The following UTP14A variants were observed in gnomAD, a reference collection of about 807,000 sequenced individuals.
The protein encoded by UTP14A is U3 small nucleolar RNA-associated protein 14 homolog A.
A neutral mutation model predicts 57.2 loss-of-function variants in UTP14A; 5 were observed. The observed-to-expected ratio is 0.09, with a 90% confidence interval of 0.05 to 0.18. The LOEUF is 0.18. Ranked by LOEUF, UTP14A falls within the 10% of genes least tolerant of loss-of-function variation. The pLI is 1.00. For synonymous variants in UTP14A, 169 were observed against 210.9 expected, an observed-to-expected ratio of 0.80 and a Z score of 1.72; for missense variants, 430 against 562.1, an observed-to-expected ratio of 0.76 and a Z score of 2.38.
At chrX:129,913,470 C>T in intron 6 of UTP14A, 5 of 328,442 alleles carry the variant, frequency 1.5e-5, no homozygotes, top group South Asian at 1.1e-4. Context: ...CCACCCGTGC[C>T]CCATCTGATC....
chrX:129,924,381 G>A (rs1275754343), intron 11 of UTP14A, among the ~76,000 whole-genome samples: 1 of 104,657 alleles, frequency 9.6e-6, no homozygotes, highest in Non-Finnish European at 1.9e-5. Flanking sequence ...CTGCCTCCCT[G>A]GTTCAAGTGA....
rs201033786 is a variant in UTP14A at position 129,919,269 on chromosome X, C to G, written c.632C>G (p.Ser211Cys). The G allele has an allele frequency of 8.3e-7, 1 of 1,209,992 alleles. No individual in the cohort carries two copies. Among genetic ancestry groups the G allele is most frequent in the African/African-American group, 1.7e-5 (1 of 57,204 alleles). The part of the protein sequence containing the change: ...DPLLTPVEKA[S>C]LRAMSLEEAK... ...TTACTGACCCCTGTGGAAAAGGCCTCTCTCCGAGCCATGAGCCTAGAAGAG... is the reference window on the plus strand; with the variant it reads ...TTACTGACCCCTGTGGAAAAGGCCTGTCTCCGAGCCATGAGCCTAGAAGAG... The change falls in exon 7 of 15, where the codon TCT (serine) becomes TGT (cysteine). Residue 211 changes from serine (S) to cysteine (C), a missense_variant. By Grantham distance (112) the Ser-to-Cys change is moderately radical. Transcript: ENST00000394422.
intron 11 of UTP14A, among the ~76,000 whole-genome samples, chrX:129,923,962 A>G (rs868549815): frequency 9.3e-6 from 1 of 107,622 alleles, no homozygotes; most frequent in Non-Finnish European, 1.9e-5. Flanking sequence ...CCAATATGCT[A>G]CTTTTTTTTT....
intron 6 of UTP14A, among the ~76,000 whole-genome samples, chrX:129,916,928 C>T (rs1164689669): frequency 9.0e-6 from 1 of 111,491 alleles, no homozygotes; most frequent in Non-Finnish European, 1.9e-5. Context: ...CTAAGCCTAA[C>T]CTACCTCCCA....
rs1929250464 is a variant in UTP14A, at chrX:129,906,169, G to A, written c.-42G>A. On this transcript the variant is annotated 5_prime_UTR_variant, in exon 1 of 15. Transcript: ENST00000394422. ...GCCCGCACGGAAATTGCTTTCCTTC[G>A]GCTTCCGTTCTTGGTCCATGTGAGA... 1 of 1,206,976 alleles carries A rather than the reference G, an allele frequency of 8.3e-7. No individual in the cohort carries two copies. The highest frequency in any genetic ancestry group is 1.1e-6 in the Non-Finnish European group (1 of 892,523).
intron 11 of UTP14A, among the ~76,000 whole-genome samples, chrX:129,923,370 G>A (rs1264227175): frequency 8.9e-6 from 1 of 112,392 alleles, no homozygotes; most frequent in African/African-American, 3.2e-5. Context: ...CCACCTCCCA[G>A]GTTCAAGCAA....
rs761483541 is a variant in UTP14A at position 129,929,658 on chromosome X, C to T, written c.*50C>T. The T allele has an allele frequency of 5.1e-6, 6 of 1,176,530 alleles. No homozygotes were observed. Among genetic ancestry groups the T allele is most frequent in the Non-Finnish European group, 5.7e-6 (5 of 872,009 alleles). ...AGCCCTGACTTCACTTCCTTTGGTCCAGTTTTACTCTGATACAGGGTGGAT... is the reference window on the plus strand; with the variant it reads ...AGCCCTGACTTCACTTCCTTTGGTCTAGTTTTACTCTGATACAGGGTGGAT... On this transcript the variant is annotated 3_prime_UTR_variant, in exon 15 of 15. Coordinates refer to ENST00000394422, the MANE Select transcript of UTP14A (RefSeq NM_006649.4).
rs770567663 is a variant in UTP14A, at chrX:129,911,207, A to G, written c.381+57A>G. The G allele has an allele frequency of 8.8e-6, 10 of 1,135,124 alleles. No homozygotes were observed. In the East Asian group the frequency reaches 2.1e-4, roughly 24 times the overall value. 93.5% of individuals were successfully genotyped at this position (1,135,124 alleles called of 1,213,427 possible). A position where few individuals can be genotyped will look rare whatever the true frequency, so the allele number is the denominator to read the frequency against. ...AAAGAAATTGAATTGACAAGGGAAAATAGGGTAATAGAAAGAAGGGAAAGA... is the reference window on the plus strand; with the variant it reads ...AAAGAAATTGAATTGACAAGGGAAAGTAGGGTAATAGAAAGAAGGGAAAGA... On this transcript the variant is annotated intron_variant, in intron 5 of 14. Transcript: ENST00000394422.
Position 129,921,391 on chromosome X carries a change from C to G in UTP14A, c.1152C>G (p.Thr384=). 1 of 1,211,642 alleles carries G rather than the reference C, an allele frequency of 8.3e-7. No individual in the cohort carries two copies. Among genetic ancestry groups the G allele is most frequent in the Non-Finnish European group, 1.1e-6 (1 of 895,500 alleles). The change falls in exon 11 of 15, where the codon ACC becomes ACG. Residue 384 remains threonine, a synonymous_variant. Transcript: ENST00000394422. The part of the protein sequence containing the change: ...PWMLRSCTSD[T]KEAATQEDPE... Reference sequence around the variant, plus strand: ...TGCTCAGGAGCTGCACCAGTGACACCAAAGAGGCTGCAACCCAGGAGGACC... The same window carrying G: ...TGCTCAGGAGCTGCACCAGTGACACGAAAGAGGCTGCAACCCAGGAGGACC...
intron 11 of UTP14A, among the ~76,000 whole-genome samples, chrX:129,924,283 C>CTTTTTTTTTTT (rs556719731): frequency 1.2e-5 from 1 of 82,531 alleles, no homozygotes; most frequent in Non-Finnish European, 2.3e-5. Context: ...TCACATGCTA[C>CTTTTTTTTTTT]TTTTTTTTTT....
chrX:129,906,205 G>T lies in UTP14A; in HGVS notation c.-6G>T, dbSNP rs774455584. The T allele has an allele frequency of 8.3e-7, 1 of 1,210,972 alleles. No homozygotes were observed. On this transcript the variant is annotated 5_prime_UTR_variant, in exon 1 of 15. Coordinates refer to ENST00000394422, the MANE Select transcript of UTP14A (RefSeq NM_006649.4). ...TTGGTCCATGTGAGAGAAGCTGGCT[G>T]CTGAAATGACTGCGAACCGGCTTGC...
At chrX:129,919,612 G>C in intron 8 of UTP14A, 123 bp downstream of exon 8, 1 of 768,914 alleles carries the variant, frequency 1.3e-6, no homozygotes, top group Non-Finnish European at 1.9e-6. Context: ...GTCCCAAACA[G>C]GAGTGACTAG....
chrX:129,920,541 A>G lies in UTP14A; in HGVS notation c.837A>G (p.Ala279=). The G allele has an allele frequency of 8.2e-7, 1 of 1,212,424 alleles. No individual in the cohort carries two copies. The highest frequency in any genetic ancestry group is 3.0e-5 in the East Asian group (1 of 33,875). Residue 279 remains alanine, a synonymous_variant, in exon 9 of 15, where the codon GCA becomes GCG. Coordinates refer to ENST00000394422, the MANE Select transcript of UTP14A (RefSeq NM_006649.4). Reference sequence around the variant, plus strand: ...TGCGGAAGGTTAATCCAGCTGCAGCACTAGAAGAACTGGAAAAAATTGAAA... The same window carrying G: ...TGCGGAAGGTTAATCCAGCTGCAGCGCTAGAAGAACTGGAAAAAATTGAAA... ...EQLRKVNPAA[A]LEELEKIEKA...
intron 4 of UTP14A, among the ~76,000 whole-genome samples, chrX:129,909,598 G>C (rs765552462): frequency 8.9e-6 from 1 of 111,764 alleles, no homozygotes; most frequent in African/African-American, 3.2e-5. Context: ...GTTGGACAGA[G>C]TTGAGCCTTG....
rs1020621480 is a variant in UTP14A at position 129,907,267 on chromosome X, C to T, written c.27-100C>T. On this transcript the variant is annotated intron_variant, in intron 1 of 14. Transcript: ENST00000394422. Reference sequence around the variant, plus strand: ...GACATTGCTTCAAATAATAATATTTCTTTTTTTAATTTCGACTTTTATTAT... The same window carrying T: ...GACATTGCTTCAAATAATAATATTTTTTTTTTTAATTTCGACTTTTATTAT... 9.3e-6 allele frequency: 6 copies of T among 647,273 alleles called. No individual in the cohort carries two copies. In the African/African-American group the frequency reaches 1.4e-4, roughly 15 times the overall value. The allele number at this position is 647,273 out of a possible 1,213,427, so 53.3% of individuals were successfully genotyped here. A position where few individuals can be genotyped will look rare whatever the true frequency, so the allele number is the denominator to read the frequency against.
chrX:129,929,028 ACT>A (rs1275288137), intron 14 of UTP14A, among the ~76,000 whole-genome samples: 1 of 110,797 alleles, frequency 9.0e-6, no homozygotes, highest in African/African-American at 3.3e-5. Context: ...ACAGAGTGAG[ACT>A]CTGTCTCAAA....
Position 129,919,422 on chromosome X carries a change from A to G in UTP14A, c.685A>G (p.Arg229Gly), listed in dbSNP as rs747503850. Residue 229 changes from arginine (R) to glycine (G), a missense_variant, in exon 8 of 15, where the codon AGG becomes GGG. By Grantham distance (125) the Arg-to-Gly change is moderately radical. Transcript: ENST00000394422. Reference protein sequence around the residue: ...EAKMRRAELQRARALQSYYEA... With the variant: ...EAKMRRAELQGARALQSYYEA... Reference sequence around the variant, plus strand: ...AAAGATGCGACGAGCAGAGCTTCAGAGGGCTCGGGCTCTGCAGTCCTACTA... The same window carrying G: ...AAAGATGCGACGAGCAGAGCTTCAGGGGGCTCGGGCTCTGCAGTCCTACTA... The G allele has an allele frequency of 8.3e-7, 1 of 1,212,017 alleles. No homozygotes were observed. The highest frequency in any genetic ancestry group is 1.1e-6 in the Non-Finnish European group (1 of 895,610).
In UTP14A at chrX:129,925,184, A is replaced by G; in HGVS notation, c.1738A>G (p.Ile580Val). 2.5e-6 allele frequency: 3 copies of G among 1,207,242 alleles called. No individual in the cohort carries two copies. The highest frequency in any genetic ancestry group is 3.4e-6 in the Non-Finnish European group (3 of 893,281). Reference protein sequence around the residue: ...PSVKSLAVPTIEELEDEEERN... With the variant: ...PSVKSLAVPTVEELEDEEERN... ...CGTGAAGTCTTTGGCAGTTCCCACAATAGAGGAGCTGGTGAGCAGAGCCAG... is the reference window on the plus strand; with the variant it reads ...CGTGAAGTCTTTGGCAGTTCCCACAGTAGAGGAGCTGGTGAGCAGAGCCAG... Residue 580 changes from isoleucine (I) to valine (V), a missense_variant, in exon 12 of 15, where the codon ATA becomes GTA. By Grantham distance (29) the Ile-to-Val change is conservative. This residue lies in a region of UTP14A where 120 missense variants were observed against 116.8 expected (regional missense o/e 1.03). Transcript: ENST00000394422.
Position 129,926,321 on chromosome X carries a change from C to T in UTP14A, c.2025C>T (p.Ile675=). 8.3e-7 allele frequency: 1 copy of T among 1,211,056 alleles called. No individual in the cohort carries two copies. The highest frequency in any genetic ancestry group is 1.1e-6 in the Non-Finnish European group (1 of 894,816). Residue 675 remains isoleucine, a synonymous_variant, in exon 14 of 15, where the codon ATC becomes ATT. Transcript: ENST00000394422. ...TGATTATCAATGAGAAGCGCAACAT[C>T]CACGCAGCTGCTCATCAGGTGAGAG... The part of the protein sequence containing the change: ...PNVIINEKRN[I]HAAAHQVRVL...
Sources: gnomAD v4.1 joint callset for allele counts (sites outside exome capture counted in the v4.1 genomes callset) on GRCh38, gnomAD v4.1.1 for gene constraint, gnomAD v4.1.1 regional missense constraint, MANE v1.5 for transcripts, NCBI Gene and HGNC (gene_info 2026-07-23, HGNC 2026-07-21) for gene names.